CHD6: variants seen among roughly 807,000 people sequenced by gnomAD.
The protein encoded by CHD6 is chromodomain helicase DNA binding protein 6.
A neutral mutation model predicts 276.9 loss-of-function variants in CHD6; 50 were observed. The ratio of observed to expected loss-of-function variants is 0.18; its 90% confidence interval spans 0.14 to 0.23. The LOEUF (loss-of-function observed/expected upper bound fraction) is 0.23. Among genes scored for constraint, CHD6 ranks in the 10% least tolerant of loss-of-function variants. CHD6 has a pLI of 1.00. For missense variants in CHD6, 2,564 were observed against 3,365.8 expected (o/e 0.76, Z 5.89); for synonymous variants, 1,173 against 1,229.3 (o/e 0.95, Z 0.96).
intron 1 of CHD6, among the ~76,000 whole-genome samples, chr20:41,602,771 G>C (rs2045786532): frequency 6.6e-6 from 1 of 152,102 alleles, no homozygotes; most frequent in African/African-American, 2.4e-5. Flanking sequence ...AATTGCAGTG[G>C]CATGATCATG....
chr20:41,594,846 A>C (rs1198064511), intron 1 of CHD6, among the ~76,000 whole-genome samples: 1 of 152,142 alleles, frequency 6.6e-6, no homozygotes, highest in East Asian at 1.9e-4. Flanking sequence ...CCAATGGGGG[A>C]AAGGACACAG....
At chr20:41,587,454 G>A (rs944298063) in intron 1 of CHD6, among the ~76,000 whole-genome samples, 2 of 152,200 alleles carry the variant, frequency 1.3e-5, no homozygotes, top group Non-Finnish European at 2.9e-5. Context: ...CCTTTCAGAT[G>A]AATCAGCTTT....
intron 6 of CHD6, among the ~76,000 whole-genome samples, chr20:41,498,807 ATGTATGTGTGTGTG>A (rs59548267): frequency 0.028 from 3,346 of 117,612 alleles, 71 homozygotes; most frequent in Admixed American, 0.099. Context: ...GTATGTATGT[ATGTATGTGTGTGTG>A]TGTGTGTGTG....
intron 27 of CHD6, among the ~76,000 whole-genome samples, chr20:41,435,203 A>G (rs893870324): frequency 1.3e-5 from 2 of 152,232 alleles, no homozygotes; most frequent in South Asian, 2.1e-4. Context: ...TTAATGAAAC[A>G]TAACTAAAGC....
Position 41,404,168 on chromosome 20 carries a change from A to T in CHD6, c.*425T>A. 1 of 1,062,626 alleles carries T rather than the reference A, an allele frequency of 9.4e-7. No homozygotes were observed. The highest frequency in any genetic ancestry group is 1.1e-6 in the Non-Finnish European group (1 of 878,270). The allele number at this position is 1,062,626 out of a possible 1,614,324, so 65.8% of individuals were successfully genotyped here. A position where few individuals can be genotyped will look rare whatever the true frequency, so the allele number is the denominator to read the frequency against. On this transcript the variant is annotated 3_prime_UTR_variant, in exon 37 of 37. Transcript: ENST00000373233. Reference sequence around the variant, plus strand: ...TCTGTGCTTTTTGGTTCCCTGTGACATTCTTCCTGTGCAACCCAGCTCACA... The same window carrying T: ...TCTGTGCTTTTTGGTTCCCTGTGACTTTCTTCCTGTGCAACCCAGCTCACA...
chr20:41,493,973 A>G, intron 8 of CHD6, 29 bp from the exon 9 acceptor site: 2 of 1,562,084 alleles, frequency 1.3e-6, no homozygotes, highest in Non-Finnish European at 1.8e-6. Flanking sequence ...AACAGTTAGG[A>G]AGTATGTCCC....
chr20:41,505,410 A>G (rs2043953354), intron 5 of CHD6, among the ~76,000 whole-genome samples: 1 of 152,068 alleles, frequency 6.6e-6, no homozygotes, highest in South Asian at 2.1e-4. Context: ...TGTATATTCA[A>G]TCCCCACCAG....
chr20:41,434,903 C>T (rs2047658423), intron 27 of CHD6, among the ~76,000 whole-genome samples: 1 of 152,086 alleles, frequency 6.6e-6, no homozygotes, highest in Admixed American at 6.5e-5. Flanking sequence ...ATACTGCATC[C>T]AATAAAACCA....
At chr20:41,466,350 TATCCAGGGTACA>T (rs971917723) in intron 17 of CHD6, among the ~76,000 whole-genome samples, 4 of 152,184 alleles carry the variant, frequency 2.6e-5, no homozygotes, top group African/African-American at 9.7e-5. Flanking sequence ...CTTAACAATA[TATCCAGGGTACA>T]ATCCAGGGTA....
rs763912526 is a variant in CHD6, at chr20:41,420,520, A to G, written c.6115T>C (p.Cys2039Arg). Residue 2039 changes from cysteine (C) to arginine (R), a missense_variant, in exon 31 of 37, where the codon TGC becomes CGC. Cys to Arg is a radical substitution (Grantham distance 180, BLOSUM62 -3). Around this residue, in one of 7 missense-constraint regions of CHD6, gnomAD observed 1,024 missense variants for 1,047.9 expected, o/e 0.98. Transcript: ENST00000373233. ...CTACATACTGTACCTTGACTATGGCAGTTTCCGTCTCTATCATAATCATCT... is the reference window on the plus strand; with the variant it reads ...CTACATACTGTACCTTGACTATGGCGGTTTCCGTCTCTATCATAATCATCT... ...NKDDYDRDGN[C>R]HSQDYPGKYS... 5 of 1,610,150 alleles carry G rather than the reference A, an allele frequency of 3.1e-6. No homozygotes were observed. The highest frequency in any genetic ancestry group is 1.7e-6 in the Non-Finnish European group (2 of 1,179,184).
intron 1 of CHD6, among the ~76,000 whole-genome samples, chr20:41,607,885 G>A (rs906077702): frequency 1.3e-5 from 2 of 152,068 alleles, no homozygotes; most frequent in Non-Finnish European, 2.9e-5. Context: ...TGCCTAGAAG[G>A]GACACACATC....
intron 1 of CHD6, among the ~76,000 whole-genome samples, chr20:41,573,754 A>G (rs1032860475): frequency 8.5e-5 from 13 of 152,248 alleles, no homozygotes; most frequent in African/African-American, 3.1e-4. Flanking sequence ...TATCAATGAA[A>G]GTTTGACAAT....
At chr20:41,438,282 A>C (rs568461605) in intron 26 of CHD6, among the ~76,000 whole-genome samples, 183 of 152,114 alleles carry the variant, frequency 1.2e-3, no homozygotes, top group African/African-American at 4.3e-3. Flanking sequence ...CCTGTTTTTC[A>C]TGATTCTTTT....
chr20:41,596,027 C>G (rs2045714417), intron 1 of CHD6, among the ~76,000 whole-genome samples: 1 of 152,150 alleles, frequency 6.6e-6, no homozygotes, highest in African/African-American at 2.4e-5. Flanking sequence ...ACATGGGACC[C>G]TTTAGACAAC....
intron 36 of CHD6, among the ~76,000 whole-genome samples, chr20:41,411,523 A>G (rs2046840196): frequency 1.3e-5 from 2 of 152,212 alleles, no homozygotes; most frequent in Admixed American, 1.3e-4. Context: ...TAATCTGCCC[A>G]AACTCAACAC....
intron 20 of CHD6, among the ~76,000 whole-genome samples, chr20:41,453,162 G>C (rs1244770309): frequency 6.6e-6 from 1 of 152,098 alleles, no homozygotes; most frequent in African/African-American, 2.4e-5. Flanking sequence ...CTGGCCCCCA[G>C]TGCTGCTTGT....
intron 1 of CHD6, among the ~76,000 whole-genome samples, chr20:41,558,884 A>G (rs1464750444): frequency 6.6e-6 from 1 of 151,996 alleles, no homozygotes; most frequent in Non-Finnish European, 1.5e-5. Flanking sequence ...TCTTATTCTA[A>G]TTTCATTTTC....
intron 1 of CHD6, among the ~76,000 whole-genome samples, chr20:41,603,085 G>A (rs769472732): frequency 6.6e-6 from 1 of 152,170 alleles, no homozygotes; most frequent in Admixed American, 6.5e-5. Flanking sequence ...GGGCATGGTG[G>A]CTCATGCCTG....
Position 41,404,454 on chromosome 20 carries a change from T to A in CHD6, c.*139A>T. 14 of 1,361,310 alleles carry A rather than the reference T, an allele frequency of 1.0e-5. No homozygotes were observed. In the South Asian group the frequency reaches 1.4e-4, roughly 14 times the overall value. The allele number at this position is 1,361,310 out of a possible 1,614,324, so 84.3% of individuals were successfully genotyped here. On this transcript the variant is annotated 3_prime_UTR_variant, in exon 37 of 37. Coordinates refer to ENST00000373233, the MANE Select transcript of CHD6 (RefSeq NM_032221.5). ...CTGCAACTATTAACATCTGTTACCA[T>A]AGTTCTCAGACAGGAAATCAGGTAC...
Sources: gnomAD v4.1 joint callset for allele counts (sites outside exome capture counted in the v4.1 genomes callset) on GRCh38, gnomAD v4.1.1 for gene constraint, gnomAD v4.1.1 regional missense constraint, MANE v1.5 for transcripts, NCBI Gene and HGNC (gene_info 2026-07-23, HGNC 2026-07-21) for gene names.